USB1: variants seen among roughly 807,000 people sequenced by gnomAD.
USB1 encodes the protein U6 snRNA biogenesis phosphodiesterase 1.
Under a neutral mutation model 29.9 loss-of-function variants are expected in USB1, and 21 were observed. The observed-to-expected ratio is 0.70, with a 90% CI of 0.50 to 1.01. USB1 has a LOEUF of 1.01. Among genes scored for constraint, USB1 ranks in the 50% least tolerant of loss-of-function variants. USB1 has a pLI of 0.00. For missense variants in USB1, 330 were observed against 347.1 expected (o/e 0.95, Z 0.39); for synonymous variants, 143 against 134.9 (o/e 1.06, Z -0.42).
Position 58,018,957 on chromosome 16 carries a change from C to T in USB1, c.610-15C>T, listed in dbSNP as rs752172199. The T allele has an allele frequency of 6.2e-6, 10 of 1,613,974 alleles. No homozygotes were observed. Among genetic ancestry groups the T allele is most frequent in the East Asian group, 4.5e-5 (2 of 44,872 alleles). On this transcript the variant is annotated splice_polypyrimidine_tract_variant and intron_variant, in intron 5 of 6. Transcript: ENST00000219281. ...GGCGTCCGGGTGACTGCCTGCCTCT[C>T]GTTTCCCTCCCCAGGATCCTTCTTT...
chr16:58,008,627 A>G (rs1963417493), intron 2 of USB1, among the ~76,000 whole-genome samples: 1 of 151,450 alleles, frequency 6.6e-6, no homozygotes, highest in Non-Finnish European at 1.5e-5. Flanking sequence ...TTATTTTTGT[A>G]TTTTTAGTAG....
chr16:58,002,845 T>TA (rs1963262109), intron 2 of USB1, among the ~76,000 whole-genome samples, 200 bp downstream of exon 2: 1 of 152,204 alleles, frequency 6.6e-6, no homozygotes, highest in Non-Finnish European at 1.5e-5. Flanking sequence ...ATTCGTAGCC[T>TA]AAAATGTGTA....
intron 3 of USB1, chr16:58,012,586 CTGAT>C: frequency 7.2e-7 from 1 of 1,395,714 alleles, no homozygotes; most frequent in Non-Finnish European, 9.3e-7. Context: ...GCCTCCCTCT[CTGAT>C]TGGCTTCAGC....
At chr16:58,011,709 G>A in intron 3 of USB1, 1 of 987,506 alleles carries the variant, frequency 1.0e-6, no homozygotes, top group Non-Finnish European at 1.2e-6. Context: ...TTTACCCCTG[G>A]TGGTCATTTC....
chr16:58,001,292 G>C, upstream of USB1: 1 of 686,820 alleles, frequency 1.5e-6, no homozygotes, highest in South Asian at 1.7e-5. Flanking sequence ...CGCGTGCGCA[G>C]CCGGCAGACA....
At chr16:58,002,073 T>G (rs551556064) in intron 1 of USB1, among the ~76,000 whole-genome samples, 2 of 152,336 alleles carry the variant, frequency 1.3e-5, no homozygotes, top group African/African-American at 4.8e-5. Context: ...CTTTGCTGAG[T>G]GCTTTACAAG....
At position 58,011,270 on chromosome 16, in the gene USB1, TG is replaced by T. The variant is rs1963489383; in HGVS notation, c.449+1161del. On this transcript the variant is annotated intron_variant, in intron 3 of 6. Coordinates refer to ENST00000219281, the MANE Select transcript of USB1 (RefSeq NM_024598.4). ...TAGGTCAAACAGGTCATGGTAATGG[TG>T]GGAGCTACCTCACTGGGGGCCTATG... is the stretch of plus-strand genomic sequence containing the variant. 6 of 1,447,646 alleles carry T rather than the reference TG, an allele frequency of 4.1e-6. No individual in the cohort carries two copies. The African/African-American group carries it at 5.7e-5, about 14-fold the overall frequency. 89.7% of individuals were successfully genotyped at this position (1,447,646 alleles called of 1,614,324 possible). A position where few individuals can be genotyped will look rare whatever the true frequency, so the allele number is the denominator to read the frequency against.
At chr16:58,012,065 C>T in intron 3 of USB1, 1 of 1,307,480 alleles carries the variant, frequency 7.6e-7, no homozygotes. Flanking sequence ...AGTCTTCTAG[C>T]CAAAGCCCCA....
At chr16:58,015,335 C>T (rs1353273564) in intron 4 of USB1, 1 of 152,134 alleles carries the variant, frequency 6.6e-6, no homozygotes, top group Non-Finnish European at 1.5e-5. Flanking sequence ...CTCAAATGAG[C>T]CCCAAGGCCT....
chr16:58,019,305 C>T (rs1963688093), intron 6 of USB1, among the ~76,000 whole-genome samples: 1 of 151,326 alleles, frequency 6.6e-6, no homozygotes, highest in Non-Finnish European at 1.5e-5. Context: ...ATCAGAATTA[C>T]ATTTTAACAA....
chr16:58,010,843 T>C, intron 3 of USB1: 2 of 604,702 alleles, frequency 3.3e-6, no homozygotes, highest in Non-Finnish European at 5.9e-6. Context: ...GGTGCGTTCT[T>C]AATCACCAAG....
At position 58,013,546 on chromosome 16, in the gene USB1, C is replaced by T. The variant is rs1963545239; in HGVS notation, c.450-727C>T. 1.0e-6 allele frequency: 1 copy of T among 966,716 alleles called. No individual in the cohort carries two copies. The highest frequency in any genetic ancestry group is 1.2e-6 in the Non-Finnish European group (1 of 828,344). The allele number at this position is 966,716 out of a possible 1,614,324, so 59.9% of individuals were successfully genotyped here. On this transcript the variant is annotated intron_variant, in intron 3 of 6. Coordinates refer to ENST00000219281, the MANE Select transcript of USB1 (RefSeq NM_024598.4). This position sits in a 1 kb window ranked among gnomAD's most constrained non-coding sequence, Gnocchi z 4.3. ...TCAGAGAATAAAGGACAGAACCAGT[C>T]CAAGTCAAAGCACTTACCTAGCTGA... is the stretch of plus-strand genomic sequence containing the variant.
intron 5 of USB1, 130 bp from the exon 6 acceptor site, chr16:58,018,842 T>A (rs776138483): frequency 2.3e-4 from 197 of 856,572 alleles, no homozygotes; most frequent in Non-Finnish European, 3.6e-4. Context: ...CAACACTGAG[T>A]ATCTTGTCTC....
chr16:58,010,773 C>A, intron 3 of USB1: 1 of 539,018 alleles, frequency 1.9e-6, no homozygotes. Flanking sequence ...CTGGAAGGGT[C>A]CCGAGCATGG....
chr16:58,007,795 A>G (rs1178045246), intron 2 of USB1, among the ~76,000 whole-genome samples: 1 of 152,046 alleles, frequency 6.6e-6, no homozygotes, highest in Non-Finnish European at 1.5e-5. Context: ...CCTGGGCAAC[A>G]TGGTGAAACC....
chr16:58,018,831 T>C, intron 5 of USB1, 141 bp from the exon 6 acceptor site: 1 of 811,592 alleles, frequency 1.2e-6, no homozygotes. Context: ...GTGCTTGGGA[T>C]CAACACTGAG....
chr16:58,011,473 A>G (rs1753832524), intron 3 of USB1: 1 of 1,028,294 alleles, frequency 9.7e-7, no homozygotes, highest in South Asian at 3.9e-5. Flanking sequence ...GGTCCAGATC[A>G]AAACCCTGCT....
intron 3 of USB1, chr16:58,011,160 T>C: frequency 1.4e-6 from 2 of 1,472,324 alleles, no homozygotes. Context: ...GCACCCCTGC[T>C]GCTTAGGAAA....
At chr16:58,019,718 A>G (rs1963695382) in intron 6 of USB1, among the ~76,000 whole-genome samples, 1 of 152,334 alleles carries the variant, frequency 6.6e-6, no homozygotes, top group South Asian at 2.1e-4. Context: ...GTAATCTGTC[A>G]GTTTTCAAAT....
Sources: gnomAD v4.1 joint callset for allele counts (sites outside exome capture counted in the v4.1 genomes callset) on GRCh38, gnomAD v4.1.1 for gene constraint, Gnocchi (gnomAD v3.1) non-coding constraint, MANE v1.5 for transcripts, NCBI Gene and HGNC (gene_info 2026-07-23, HGNC 2026-07-21) for gene names.